Variants in CEP63 observed in about 807,000 individuals in gnomAD.
CEP63 encodes centrosomal protein 63.
CEP63 carries 84 observed loss-of-function variants against 89.1 expected under a neutral mutation model. The ratio of observed to expected loss-of-function variants is 0.94; its 90% CI spans 0.79 to 1.13. CEP63 has a LOEUF of 1.13. Ranked by LOEUF, CEP63 falls within the 50% of genes most tolerant of loss-of-function variation. CEP63 has a pLI of 0.00. For synonymous variants in CEP63, 267 were observed against 272.5 expected (o/e 0.98, Z 0.20); for missense variants, 838 against 813.3 (o/e 1.03, Z -0.37).
the CEP63 span, among the ~76,000 whole-genome samples, chr3:134,691,638 T>C: frequency 5.3e-5 from 8 of 152,056 alleles, no homozygotes; most frequent in Non-Finnish European, 7.4e-5. Flanking sequence ...TATTTCTCAG[T>C]TCATTAAAAA....
At chr3:134,549,387 A>G (rs565889581) in intron 10 of CEP63, among the ~76,000 whole-genome samples, 40 of 152,314 alleles carry the variant, frequency 2.6e-4, no homozygotes, top group Non-Finnish European at 4.3e-4. Flanking sequence ...TATTTTTAAG[A>G]TAATTGAAGG....
chr3:134,557,651 C>T (rs1395898490), intron 12 of CEP63, among the ~76,000 whole-genome samples: 2 of 151,920 alleles, frequency 1.3e-5, no homozygotes, highest in Non-Finnish European at 2.9e-5. Context: ...TGAGTAGATA[C>T]CAAAGTTGTA....
At chr3:134,566,262 CAGT>C (rs1195049825), downstream of CEP63, among the ~76,000 whole-genome samples, 1 of 151,968 alleles carries the variant, frequency 6.6e-6, no homozygotes, top group Non-Finnish European at 1.5e-5. Context: ...GAACGTAAGG[CAGT>C]AGTTGATAGG....
chr3:134,709,819 A>G, the CEP63 span, among the ~76,000 whole-genome samples: 13 of 152,302 alleles, frequency 8.5e-5, no homozygotes, highest in Admixed American at 8.5e-4. Flanking sequence ...TGACATCTTG[A>G]TTAAGAAAGG....
At chr3:134,585,165 G>T (rs1958457860) in intron 10 of CEP63, among the ~76,000 whole-genome samples, 1 of 151,764 alleles carries the variant, frequency 6.6e-6, no homozygotes, top group Non-Finnish European at 1.5e-5. Flanking sequence ...TTTTTTGAAG[G>T]GATTTTTGTG....
chr3:134,714,923 T>A, the CEP63 span, among the ~76,000 whole-genome samples: 5,458 of 152,234 alleles, frequency 0.036, 337 homozygotes, highest in African/African-American at 0.12. Flanking sequence ...ACGGGCTAAA[T>A]GCCCAGGTAA....
the CEP63 span, among the ~76,000 whole-genome samples, chr3:134,693,410 A>G: frequency 6.6e-6 from 1 of 151,692 alleles, no homozygotes; most frequent in Non-Finnish European, 1.5e-5. Context: ...GCTGCCAAAA[A>G]AGTTTTGGGT....
At chr3:134,628,841 C>T in the CEP63 span, among the ~76,000 whole-genome samples, 4 of 152,138 alleles carry the variant, frequency 2.6e-5, no homozygotes, top group Non-Finnish European at 4.4e-5. Flanking sequence ...CCCAGTCAGT[C>T]GACCCTAGAG....
chr3:134,589,023 T>C (rs1302910063), downstream of CEP63, among the ~76,000 whole-genome samples: 2 of 152,180 alleles, frequency 1.3e-5, no homozygotes, highest in African/African-American at 2.4e-5. Flanking sequence ...TTAGAAAATC[T>C]GAAGAGTCAT....
chr3:134,651,098 G>T, the CEP63 span: 2 of 1,519,454 alleles, frequency 1.3e-6, no homozygotes, highest in Admixed American at 2.1e-5. Context: ...CGCTGGAGCC[G>T]CAGGGCGCTG....
the CEP63 span, among the ~76,000 whole-genome samples, chr3:134,682,979 C>A: frequency 6.6e-6 from 1 of 152,120 alleles, no homozygotes; most frequent in Non-Finnish European, 1.5e-5. Flanking sequence ...ACAAAGCAAC[C>A]ACAGTTCTGC....
chr3:134,716,066 C>T, the CEP63 span, among the ~76,000 whole-genome samples: 4 of 152,082 alleles, frequency 2.6e-5, no homozygotes, highest in Non-Finnish European at 5.9e-5. Context: ...CTCCTGTCTC[C>T]CTGCACATTT....
At chr3:134,668,152 C>T in the CEP63 span, among the ~76,000 whole-genome samples, 1 of 152,130 alleles carries the variant, frequency 6.6e-6, no homozygotes. Context: ...CCTCAGGTCT[C>T]TGCTAAAATC....
At chr3:134,620,667 G>A in the CEP63 span, 18 of 968,808 alleles carry the variant, frequency 1.9e-5, no homozygotes, top group Middle Eastern at 2.1e-4. Context: ...CTCTGCACAC[G>A]TGAATAAGCT....
chr3:134,674,949 G>A, the CEP63 span, among the ~76,000 whole-genome samples: 1 of 152,140 alleles, frequency 6.6e-6, no homozygotes, highest in Non-Finnish European at 1.5e-5. Context: ...TGGATTGAAA[G>A]ATTTCATATT....
downstream of CEP63, among the ~76,000 whole-genome samples, chr3:134,590,960 C>T (rs932134822): frequency 1.3e-5 from 2 of 152,234 alleles, no homozygotes; most frequent in African/African-American, 4.8e-5. Context: ...TTACTATCCT[C>T]TTAGGAATTC....
Position 134,555,517 on chromosome 3 carries a change from T to C in CEP63, c.1468-2625T>C, listed in dbSNP as rs549992323. 2.6e-4 allele frequency among the ~76,000 whole-genome samples: 40 copies of C among 150,994 alleles called. 1 individual carries two copies. The South Asian group carries it at 7.6e-3, about 29-fold the overall frequency. On this transcript the variant is annotated intron_variant, in intron 12 of 14. Transcript: ENST00000675561. ...GAGCCAAATCATGAGTGAACTCCCA[T>C]TCACAATTGCTTCAAAGAGAATAAA...
the CEP63 span, among the ~76,000 whole-genome samples, chr3:134,654,595 C>T: frequency 1.3e-5 from 2 of 152,180 alleles, no homozygotes; most frequent in African/African-American, 4.8e-5. Context: ...TTCCCAGAAA[C>T]CTTTCCTCAG....
At chr3:134,531,993 C>T in intron 4 of CEP63, 53 bp downstream of exon 4, 4 of 1,286,340 alleles carry the variant, frequency 3.1e-6, no homozygotes, top group Non-Finnish European at 4.5e-6. Context: ...CTCTTTCACC[C>T]TTGAGAACTT....
Sources: gnomAD v4.1 joint callset for allele counts (sites outside exome capture counted in the v4.1 genomes callset) on GRCh38, gnomAD v4.1.1 for gene constraint, MANE v1.5 for transcripts, NCBI Gene and HGNC (gene_info 2026-07-23, HGNC 2026-07-21) for gene names.